ZNF609: variants seen among roughly 807,000 people sequenced by gnomAD.
ZNF609 encodes zinc finger protein 609.
In ZNF609, 11 loss-of-function variants were observed where a neutral mutation model predicts 109.5. The ratio of observed to expected loss-of-function variants is 0.10; its 90% CI spans 0.06 to 0.17. ZNF609 has a LOEUF of 0.17. Ranked by LOEUF, ZNF609 falls within the 10% of genes least tolerant of loss-of-function variation. ZNF609 has a pLI of 1.00. For synonymous variants in ZNF609, 646 were observed against 662.0 expected (o/e 0.98, Z 0.37); for missense variants, 1,559 against 1,772.4 (o/e 0.88, Z 2.16).
At position 64,675,108 on chromosome 15, in the gene ZNF609, C is replaced by G; in HGVS notation, c.2254C>G (p.Arg752Gly). The G allele has an allele frequency of 6.2e-7, 1 of 1,614,050 alleles. No individual in the cohort carries two copies. The highest frequency in any genetic ancestry group is 8.5e-7 in the Non-Finnish European group (1 of 1,180,032). The change falls in exon 5 of 10, where the codon CGA becomes GGA. Residue 752 changes from arginine (R) to glycine (G), a missense_variant. Transcript: ENST00000326648. ...TCCTCTGACCCCTGGGAAGGTGTGT[C>G]GAGCAGAGGAAGGCAAAAGCCCATT... ...ESPLTPGKVC[R>G]AEEGKSPFRE...
Position 64,670,414 on chromosome 15 carries a change from C to G in ZNF609, c.1042C>G (p.His348Asp). 2 of 1,614,154 alleles carry G rather than the reference C, an allele frequency of 1.2e-6. No individual in the cohort carries two copies. The highest frequency in any genetic ancestry group is 1.7e-6 in the Non-Finnish European group (2 of 1,179,988). ...YVGTLLDCTRHDWAPPRFCDS... is the reference protein window; with the variant it reads ...YVGTLLDCTRDDWAPPRFCDS... ...AGGTACACTCCTTGACTGCACACGA[C>G]ATGATTGGGCACCCCCAAGGTAAGC... The change falls in exon 4 of 10, where the codon CAT becomes GAT. Residue 348 changes from histidine to aspartate, a missense_variant. Around this residue, in one of 4 missense-constraint regions of ZNF609, gnomAD observed 38 missense variants for 82.1 expected, o/e 0.46. Transcript: ENST00000326648.
intron 3 of ZNF609, among the ~76,000 whole-genome samples, chr15:64,663,978 C>G (rs1481640676): frequency 6.6e-6 from 1 of 152,170 alleles, no homozygotes; most frequent in Non-Finnish European, 1.5e-5. Context: ...CCTGTAATCC[C>G]AGCACTTTGG....
At chr15:64,506,733 A>AG (rs1370034041) in intron 2 of ZNF609, among the ~76,000 whole-genome samples, 1 of 151,462 alleles carries the variant, frequency 6.6e-6, no homozygotes, top group African/African-American at 2.4e-5. Flanking sequence ...GAAAAAAAAA[A>AG]AAGTTTGTCT....
intron 3 of ZNF609, among the ~76,000 whole-genome samples, chr15:64,625,709 T>G (rs908123239): frequency 5.3e-5 from 8 of 150,452 alleles, no homozygotes; most frequent in Non-Finnish European, 1.2e-4. Context: ...GCTAACATGG[T>G]GAAACCCTGT....
intron 2 of ZNF609, among the ~76,000 whole-genome samples, chr15:64,508,941 G>C (rs1227835393): frequency 1.3e-5 from 2 of 152,042 alleles, no homozygotes; most frequent in African/African-American, 4.8e-5. Context: ...CGATCCTCCT[G>C]CCTTGGCCTC....
At chr15:64,589,839 A>G (rs1001869909) in intron 2 of ZNF609, among the ~76,000 whole-genome samples, 2 of 152,212 alleles carry the variant, frequency 1.3e-5, no homozygotes, top group Non-Finnish European at 2.9e-5. Context: ...AGACCCAGAC[A>G]GTTAAAGAGA....
chr15:64,498,286 G>A (rs1316226420), intron 1 of ZNF609, among the ~76,000 whole-genome samples: 2 of 152,084 alleles, frequency 1.3e-5, no homozygotes, highest in African/African-American at 2.4e-5. Context: ...CTGACCTCAG[G>A]TGATTAGCCT....
At chr15:64,461,446 G>A (rs1596371738) in intron 1 of ZNF609, among the ~76,000 whole-genome samples, 1 of 152,228 alleles carries the variant, frequency 6.6e-6, no homozygotes, top group East Asian at 1.9e-4. Flanking sequence ...GGGAGGGTTT[G>A]TGACCCTATC....
At chr15:64,487,671 C>T (rs1255291079) in intron 1 of ZNF609, among the ~76,000 whole-genome samples, 16 of 150,892 alleles carry the variant, frequency 1.1e-4, no homozygotes, top group African/African-American at 2.2e-4. Context: ...CTTGCTCTGT[C>T]GCCCCGGCTG....
At chr15:64,637,125 C>T (rs1038472412) in intron 3 of ZNF609, among the ~76,000 whole-genome samples, 2 of 152,130 alleles carry the variant, frequency 1.3e-5, no homozygotes, top group African/African-American at 4.8e-5. Context: ...TAGTGTTACC[C>T]ATTTTGAACT....
intron 3 of ZNF609, among the ~76,000 whole-genome samples, chr15:64,628,583 G>A (rs903981440): frequency 2.6e-5 from 4 of 152,106 alleles, no homozygotes; most frequent in Non-Finnish European, 5.9e-5. Context: ...AGGTTGCAAT[G>A]AGCCAGGATG....
At chr15:64,480,628 G>C (rs1893239281) in intron 1 of ZNF609, among the ~76,000 whole-genome samples, 1 of 152,128 alleles carries the variant, frequency 6.6e-6, no homozygotes, top group African/African-American at 2.4e-5. Flanking sequence ...ACTGCTCTGG[G>C]CTATATACCT....
chr15:64,524,977 A>G (rs1893949820), intron 2 of ZNF609, among the ~76,000 whole-genome samples: 1 of 152,162 alleles, frequency 6.6e-6, no homozygotes, highest in African/African-American at 2.4e-5. Flanking sequence ...ACTTTCAACA[A>G]TACTTGTTAT....
intron 1 of ZNF609, among the ~76,000 whole-genome samples, chr15:64,491,725 A>G (rs1286782009): frequency 1.3e-5 from 2 of 151,990 alleles, no homozygotes; most frequent in African/African-American, 2.4e-5. Flanking sequence ...CGCCCCTCCA[A>G]TCCCAGCTAC....
At chr15:64,641,219 C>CTTTTTCTTTTT (rs1896249816) in intron 3 of ZNF609, among the ~76,000 whole-genome samples, 1 of 69,738 alleles carries the variant, frequency 1.4e-5, no homozygotes, top group African/African-American at 5.3e-5. Flanking sequence ...CTTGTGCTTT[C>CTTTTTCTTTTT]TTTTTTTTTT....
chr15:64,527,624 C>T (rs1893986196), intron 2 of ZNF609, among the ~76,000 whole-genome samples: 1 of 152,094 alleles, frequency 6.6e-6, no homozygotes, highest in Non-Finnish European at 1.5e-5. Context: ...TCACAAAGTT[C>T]AAAGAAAAAT....
chr15:64,640,831 G>A (rs1896242821), intron 3 of ZNF609, among the ~76,000 whole-genome samples: 1 of 152,152 alleles, frequency 6.6e-6, no homozygotes, highest in South Asian at 2.1e-4. Context: ...ACGATTTAAG[G>A]GTGTGGTGAA....
At chr15:64,482,374 A>G (rs1277856662) in intron 1 of ZNF609, among the ~76,000 whole-genome samples, 2 of 151,712 alleles carry the variant, frequency 1.3e-5, no homozygotes, top group Non-Finnish European at 1.5e-5. Flanking sequence ...TATTTCCTAT[A>G]CGTTTTTTTT....
At chr15:64,637,601 A>T (rs1423851206) in intron 3 of ZNF609, among the ~76,000 whole-genome samples, 3 of 152,062 alleles carry the variant, frequency 2.0e-5, no homozygotes, top group Admixed American at 2.0e-4. Context: ...GTGGTATCTC[A>T]TTGTGGTATT....
Sources: allele counts gnomAD v4.1 joint callset (sites outside exome capture counted in the v4.1 genomes callset), GRCh38; gene constraint gnomAD v4.1.1; regional missense constraint gnomAD v4.1.1; transcripts MANE v1.5; gene names NCBI Gene and HGNC (gene_info 2026-07-23, HGNC 2026-07-21).